SIK3: variants seen among roughly 807,000 people sequenced by gnomAD.
SIK3 encodes the protein SIK family kinase 3.
Under a neutral mutation model 144.2 loss-of-function variants are expected in SIK3, and 28 were observed. That is an observed-to-expected ratio of 0.19 (90% CI 0.14 to 0.27). SIK3 has a LOEUF of 0.27. Among genes scored for constraint, SIK3 ranks in the 10% least tolerant of loss-of-function variants. SIK3 has a pLI of 1.00. For synonymous variants in SIK3, 686 were observed against 676.3 expected, an observed-to-expected ratio of 1.01 and a Z score of -0.22; for missense variants, 1,319 against 1,776.0, an observed-to-expected ratio of 0.74 and a Z score of 4.62.
chr11:116,959,452 T>C (rs1032275141), intron 1 of SIK3, among the ~76,000 whole-genome samples: 4 of 152,236 alleles, frequency 2.6e-5, no homozygotes, highest in Non-Finnish European at 4.4e-5. Flanking sequence ...TTTATTTACC[T>C]TAATAACAGA....
intron 1 of SIK3, among the ~76,000 whole-genome samples, chr11:117,013,739 T>C (rs1186763028): frequency 6.6e-6 from 1 of 151,490 alleles, no homozygotes; most frequent in East Asian, 1.9e-4. Flanking sequence ...AGACCCCTTA[T>C]CAATCTGAGG....
intron 1 of SIK3, among the ~76,000 whole-genome samples, chr11:117,009,982 T>C (rs2135672964): frequency 6.6e-6 from 1 of 152,286 alleles, no homozygotes; most frequent in East Asian, 1.9e-4. Context: ...TATCTAAAAA[T>C]TTAAAAATAA....
intron 1 of SIK3, among the ~76,000 whole-genome samples, chr11:116,988,373 G>A (rs1212583401): frequency 2.0e-5 from 3 of 147,030 alleles, no homozygotes; most frequent in South Asian, 2.2e-4. Context: ...GCAACAGAGC[G>A]AGACTCTGAC....
chr11:116,862,381 G>C, intron 16 of SIK3, 54 bp from the exon 17 acceptor site: 1 of 1,611,080 alleles, frequency 6.2e-7, no homozygotes, highest in South Asian at 1.1e-5. Context: ...GCCTCATGCA[G>C]TGATTTCAGC....
At chr11:116,973,749 T>C (rs1949846872) in intron 1 of SIK3, among the ~76,000 whole-genome samples, 1 of 152,284 alleles carries the variant, frequency 6.6e-6, no homozygotes, top group South Asian at 2.1e-4. Context: ...ACCTTGGTTA[T>C]CTTACCACTC....
At position 116,870,209 on chromosome 11, in the gene SIK3, C is replaced by T. The variant is rs1055842862; in HGVS notation, c.1808+122G>A. On this transcript the variant is annotated intron_variant, in intron 14 of 24. Transcript: ENST00000445177. ...GGTGGAACATGCCATCTGGCTTGAG[C>T]AAAGAGACCACACAAATGTTGAAGC... The T allele has an allele frequency of 1.9e-6, 3 of 1,552,122 alleles. No homozygotes were observed. The African/African-American group carries it at 4.1e-5, about 21-fold the overall frequency.
chr11:116,954,429 T>G (rs1175615306), intron 2 of SIK3, among the ~76,000 whole-genome samples: 1 of 150,210 alleles, frequency 6.7e-6, no homozygotes, highest in African/African-American at 2.5e-5. Flanking sequence ...AACTTAAACT[T>G]CAGATTCAAC....
chr11:116,862,477 A>G, intron 16 of SIK3, 150 bp from the exon 17 acceptor site: 1 of 918,450 alleles, frequency 1.1e-6, no homozygotes, highest in South Asian at 1.6e-5. Flanking sequence ...TCATTTACCT[A>G]AGTATCTGGT....
chr11:116,968,442 A>T (rs769489456), intron 1 of SIK3, among the ~76,000 whole-genome samples: 1 of 152,022 alleles, frequency 6.6e-6, no homozygotes, highest in Non-Finnish European at 1.5e-5. Flanking sequence ...GTGCCTGGCC[A>T]AATTTCTGAT....
chr11:117,056,728 T>G (rs928201644), intron 1 of SIK3, among the ~76,000 whole-genome samples: 2 of 152,072 alleles, frequency 1.3e-5, no homozygotes, highest in Non-Finnish European at 2.9e-5. Context: ...TACCAACATT[T>G]CAAATATGCC....
chr11:116,895,391 T>C (rs925018092), intron 6 of SIK3, among the ~76,000 whole-genome samples: 1 of 152,170 alleles, frequency 6.6e-6, no homozygotes, highest in African/African-American at 2.4e-5. Context: ...TTCTCTATTT[T>C]ATTTGTCCCA....
chr11:116,966,317 T>A (rs1326040701), intron 1 of SIK3, among the ~76,000 whole-genome samples: 2 of 151,964 alleles, frequency 1.3e-5, no homozygotes, highest in Non-Finnish European at 2.9e-5. Flanking sequence ...ATCATTTGAG[T>A]CCAAGAGCTC....
intron 1 of SIK3, among the ~76,000 whole-genome samples, chr11:117,027,079 C>T (rs183327676): frequency 2.5e-3 from 381 of 152,330 alleles, no homozygotes; most frequent in Admixed American, 6.1e-3. Context: ...TTTATAAGCT[C>T]ATGCATATTC....
intron 1 of SIK3, chr11:117,035,785 T>G (rs907595922): frequency 7.1e-7 from 1 of 1,399,504 alleles, no homozygotes; most frequent in Non-Finnish European, 1.0e-6. Context: ...CTCATCTTGA[T>G]TCAGAGTGCT....
At chr11:116,870,886 C>A (rs1378635562) in intron 13 of SIK3, among the ~76,000 whole-genome samples, 1 of 152,018 alleles carries the variant, frequency 6.6e-6, no homozygotes. Flanking sequence ...GGTTTCCAGG[C>A]AGAAGAAAAG....
At chr11:117,039,811 C>T (rs924638396) in intron 1 of SIK3, among the ~76,000 whole-genome samples, 1 of 152,130 alleles carries the variant, frequency 6.6e-6, no homozygotes, top group Non-Finnish European at 1.5e-5. Flanking sequence ...AAGAAAACTA[C>T]GGTTTACAAC....
chr11:117,004,141 T>C (rs1265623308), intron 1 of SIK3, among the ~76,000 whole-genome samples: 2 of 152,196 alleles, frequency 1.3e-5, no homozygotes, highest in African/African-American at 4.8e-5. Context: ...GAATTTAACT[T>C]GTCTGAACTA....
intron 3 of SIK3, among the ~76,000 whole-genome samples, chr11:116,935,696 T>C (rs2513094): frequency 0.37 from 56,654 of 152,072 alleles, 12,907 homozygotes; most frequent in African/African-American, 0.65. Flanking sequence ...GAGGTTCTAA[T>C]CAGATCCTAG....
intron 4 of SIK3, among the ~76,000 whole-genome samples, chr11:116,924,302 A>G (rs1035463011): frequency 6.6e-6 from 1 of 151,904 alleles, no homozygotes. Context: ...TCTCAAAAAA[A>G]AAAAAAGAAA....
Sources: allele counts gnomAD v4.1 joint callset (sites outside exome capture counted in the v4.1 genomes callset), GRCh38; gene constraint gnomAD v4.1.1; transcripts MANE v1.5; gene names NCBI Gene and HGNC (gene_info 2026-07-23, HGNC 2026-07-21).